The following RPTOR variants were observed in gnomAD, a reference collection of about 807,000 sequenced individuals.
RPTOR encodes regulatory-associated protein of mTOR.
Under a neutral mutation model 169.9 loss-of-function variants are expected in RPTOR, and 21 were observed. The observed-to-expected ratio is 0.12, with a 90% confidence interval of 0.09 to 0.18. The LOEUF (loss-of-function observed/expected upper bound fraction) is 0.18. Among genes scored for constraint, RPTOR ranks in the 10% least tolerant of loss-of-function variants. RPTOR has a pLI of 1.00. For missense variants in RPTOR, 1,133 were observed against 1,855.9 expected (o/e 0.61, Z 7.16); for synonymous variants, 732 against 753.2 (o/e 0.97, Z 0.46).
chr17:80,568,741 C>T (rs2064871899), intron 1 of RPTOR, among the ~76,000 whole-genome samples: 1 of 152,156 alleles, frequency 6.6e-6, no homozygotes, highest in Non-Finnish European at 1.5e-5. Flanking sequence ...CTGAGGATCC[C>T]CATTCCCTCC....
intron 3 of RPTOR, among the ~76,000 whole-genome samples, chr17:80,664,093 A>C (rs2065745001): frequency 6.6e-6 from 1 of 151,860 alleles, no homozygotes; most frequent in Non-Finnish European, 1.5e-5. Flanking sequence ...TCTGGGAGGG[A>C]CTTGGGTGGT....
chr17:80,717,157 A>T (rs958918214), intron 4 of RPTOR, among the ~76,000 whole-genome samples: 1 of 152,072 alleles, frequency 6.6e-6, no homozygotes, highest in African/African-American at 2.4e-5. Context: ...GGATATTTTT[A>T]CTGAAATGTC....
intron 3 of RPTOR, among the ~76,000 whole-genome samples, chr17:80,698,381 C>T (rs764346047): frequency 5.3e-5 from 8 of 150,256 alleles, no homozygotes; most frequent in Non-Finnish European, 1.0e-4. Context: ...TGAAAAGTGA[C>T]GGGACGGAGC....
intron 3 of RPTOR, among the ~76,000 whole-genome samples, chr17:80,645,023 T>C (rs1385952101): frequency 2.6e-5 from 4 of 152,248 alleles, no homozygotes; most frequent in Admixed American, 6.5e-5. Flanking sequence ...ATGGTTTGTG[T>C]ACACATGCTG....
intron 3 of RPTOR, among the ~76,000 whole-genome samples, chr17:80,678,016 A>G (rs1050132586): frequency 6.6e-6 from 1 of 152,224 alleles, no homozygotes; most frequent in Non-Finnish European, 1.5e-5. Flanking sequence ...GAAGAACAAG[A>G]AGGAGAAAAG....
chr17:80,579,059 G>C (rs1023878431), intron 1 of RPTOR, among the ~76,000 whole-genome samples: 1 of 152,196 alleles, frequency 6.6e-6, no homozygotes. Context: ...CAGGTACTCT[G>C]CATTGGTACT....
chr17:80,754,571 G>A lies in RPTOR; in HGVS notation c.830+386G>A, dbSNP rs555700433. Among the ~76,000 whole-genome samples, 32 of 152,248 alleles carry A rather than the reference G, an allele frequency of 2.1e-4. No homozygotes were observed. The highest frequency in any genetic ancestry group is 3.6e-4 in the African/African-American group (15 of 41,520). On this transcript the variant is annotated intron_variant, in intron 6 of 33. Coordinates refer to ENST00000306801, the MANE Select transcript of RPTOR (RefSeq NM_020761.3). The surrounding 1 kb of genome is among the most constrained non-coding windows in gnomAD (Gnocchi z 4.2). ...TTTAATTCCTTGCTTGAGTTGAAGC[G>A]TAATCTTTCAATGTATTTTTAGCAA...
At position 80,757,173 on chromosome 17, in the gene RPTOR, G is replaced by A. The variant is rs575205898; in HGVS notation, c.830+2988G>A. On this transcript the variant is annotated intron_variant, in intron 6 of 33. Coordinates refer to ENST00000306801, the MANE Select transcript of RPTOR (RefSeq NM_020761.3). Reference sequence around the variant, plus strand: ...GCAGACTGGGGGCATCCCGTGTTGAGAGAACAAGAATATGGCAGAGCTGAA... The same window carrying A: ...GCAGACTGGGGGCATCCCGTGTTGAAAGAACAAGAATATGGCAGAGCTGAA... Among the ~76,000 whole-genome samples, 4 of 152,180 alleles carry A rather than the reference G, an allele frequency of 2.6e-5. No homozygotes were observed. The East Asian group carries it at 5.8e-4, about 22-fold the overall frequency.
At position 80,783,494 on chromosome 17, in the gene RPTOR, A is replaced by T. The variant is rs537217174; in HGVS notation, c.831-7956A>T. 2.0e-5 allele frequency among the ~76,000 whole-genome samples: 3 copies of T among 152,378 alleles called. No individual in the cohort carries two copies. The South Asian group carries it at 6.2e-4, about 32-fold the overall frequency. ...TAATCATTTCTTTTTTAAAAAACTG[A>T]CATTTTTCTTATAACCAAATTATCT... On this transcript the variant is annotated intron_variant, in intron 6 of 33. Coordinates refer to ENST00000306801, the MANE Select transcript of RPTOR (RefSeq NM_020761.3).
At chr17:80,821,415 C>G (rs540453432) in intron 7 of RPTOR, among the ~76,000 whole-genome samples, 5 of 152,318 alleles carry the variant, frequency 3.3e-5, no homozygotes, top group African/African-American at 1.2e-4. Context: ...GCTTATGGCT[C>G]TGAACACGTG....
chr17:80,840,733 C>T (rs2067630764), intron 10 of RPTOR, among the ~76,000 whole-genome samples: 1 of 138,512 alleles, frequency 7.2e-6, no homozygotes, highest in African/African-American at 2.7e-5. Context: ...AGCTCACTCT[C>T]ACCGCACGGC....
At chr17:80,825,517 G>C (rs1372778829) in intron 9 of RPTOR, among the ~76,000 whole-genome samples, 1 of 152,210 alleles carries the variant, frequency 6.6e-6, no homozygotes, top group Non-Finnish European at 1.5e-5. Flanking sequence ...AGCGTTGCTG[G>C]GGCTGCCCTT....
intron 3 of RPTOR, among the ~76,000 whole-genome samples, chr17:80,671,727 C>T (rs1047133527): frequency 6.6e-6 from 1 of 152,160 alleles, no homozygotes; most frequent in African/African-American, 2.4e-5. Context: ...CCTTTTCTTT[C>T]TAGGCTGACC....
At chr17:80,781,080 TC>T (rs1247699088) in intron 6 of RPTOR, among the ~76,000 whole-genome samples, 2 of 152,032 alleles carry the variant, frequency 1.3e-5, no homozygotes, top group Non-Finnish European at 2.9e-5. Flanking sequence ...CTCAACTGTC[TC>T]CCCTCCAGGG....
chr17:80,619,283 T>C (rs2065337507), intron 1 of RPTOR, among the ~76,000 whole-genome samples: 2 of 152,122 alleles, frequency 1.3e-5, no homozygotes, highest in Non-Finnish European at 2.9e-5. Context: ...AAGGCAGTGA[T>C]TGGGCTGCTG....
At chr17:80,640,559 T>A (rs2065545442) in intron 2 of RPTOR, among the ~76,000 whole-genome samples, 1 of 152,206 alleles carries the variant, frequency 6.6e-6, no homozygotes, top group Non-Finnish European at 1.5e-5. Context: ...GGTGAGCAGC[T>A]GACAGTGGTT....
At chr17:80,724,188 C>CA (rs1340511867) in intron 4 of RPTOR, among the ~76,000 whole-genome samples, 2 of 151,200 alleles carry the variant, frequency 1.3e-5, no homozygotes, top group Non-Finnish European at 2.9e-5. Context: ...GAGGTGAATA[C>CA]AAATGTGGTG....
chr17:80,900,658 G>A (rs760612479), intron 20 of RPTOR, among the ~76,000 whole-genome samples: 21 of 152,194 alleles, frequency 1.4e-4, no homozygotes, highest in Admixed American at 3.3e-4. Context: ...ATCACCCCTC[G>A]GTGCTCACCT....
chr17:80,953,008 G>A (rs1421763426), intron 28 of RPTOR, among the ~76,000 whole-genome samples: 2 of 151,802 alleles, frequency 1.3e-5, no homozygotes, highest in African/African-American at 2.4e-5. Flanking sequence ...GGGACTAGAG[G>A]GTCGCACCAC....
Sources: allele counts gnomAD v4.1 joint callset (sites outside exome capture counted in the v4.1 genomes callset), GRCh38; gene constraint gnomAD v4.1.1; non-coding constraint Gnocchi (gnomAD v3.1); transcripts MANE v1.5; gene names NCBI Gene and HGNC (gene_info 2026-07-23, HGNC 2026-07-21).